The following DCC variants were observed in gnomAD, a reference collection of about 807,000 sequenced individuals.
DCC encodes DCC netrin 1 receptor.
DCC carries 58 observed loss-of-function variants against 172.5 expected under a neutral mutation model. That is an observed-to-expected ratio of 0.34 (90% CI 0.27 to 0.42). The LOEUF (loss-of-function observed/expected upper bound fraction) is 0.42, where lower values mean the gene tolerates loss of function less well. DCC is among the 10% of genes least tolerant of loss of function. DCC has a pLI of 1.00. For synonymous variants in DCC, 709 were observed against 644.5 expected (o/e 1.10, Z -1.52); for missense variants, 1,740 against 1,791.0 (o/e 0.97, Z 0.51).
At position 53,027,099 on chromosome 18, in the gene DCC, T is replaced by C. The variant is rs2041965049; in HGVS notation, c.986-36206T>C. 3.3e-5 allele frequency among the ~76,000 whole-genome samples: 5 copies of C among 152,172 alleles called. No individual in the cohort carries two copies. The South Asian group carries it at 1.0e-3, about 32-fold the overall frequency. On this transcript the variant is annotated intron_variant, in intron 5 of 28. Coordinates refer to ENST00000442544, the MANE Select transcript of DCC (RefSeq NM_005215.4). ...TCTTAAGCTGACAGAGTGCTGTATTTCTTTCTCATGTCTCTTATTCCTCAC... is the reference window on the plus strand; with the variant it reads ...TCTTAAGCTGACAGAGTGCTGTATTCCTTTCTCATGTCTCTTATTCCTCAC...
At chr18:53,215,647 C>A in intron 12 of DCC, 50 bp downstream of exon 12, 1 of 1,444,298 alleles carries the variant, frequency 6.9e-7, no homozygotes, top group Non-Finnish European at 9.8e-7. Flanking sequence ...GATTACCTAT[C>A]ATGTATAACC....
intron 1 of DCC, among the ~76,000 whole-genome samples, chr18:52,693,929 A>T (rs1180965146): frequency 1.3e-5 from 2 of 152,192 alleles, no homozygotes; most frequent in Non-Finnish European, 2.9e-5. Context: ...TCTTATAGAT[A>T]TATTCCAAAT....
At chr18:52,779,516 G>A (rs796708582) in intron 2 of DCC, among the ~76,000 whole-genome samples, 11 of 152,182 alleles carry the variant, frequency 7.2e-5, no homozygotes, top group African/African-American at 2.4e-4. Flanking sequence ...GTATTCCATG[G>A]TATATATGTG....
intron 1 of DCC, among the ~76,000 whole-genome samples, chr18:52,706,202 G>T (rs2036208801): frequency 6.6e-6 from 1 of 151,864 alleles, no homozygotes. Context: ...TTAAAAAAAA[G>T]AACTCATTGA....
At chr18:53,261,457 G>T (rs1346791564) in intron 12 of DCC, among the ~76,000 whole-genome samples, 1 of 152,074 alleles carries the variant, frequency 6.6e-6, no homozygotes, top group Admixed American at 6.6e-5. Flanking sequence ...TAAGGAGCTG[G>T]GTCATACTTA....
chr18:53,049,848 G>A (rs919714969), intron 5 of DCC, among the ~76,000 whole-genome samples: 1 of 152,162 alleles, frequency 6.6e-6, no homozygotes. Flanking sequence ...ATGAAAGGGA[G>A]TTAATTAAAA....
chr18:52,832,573 A>G (rs554314463), intron 2 of DCC, among the ~76,000 whole-genome samples: 3 of 152,268 alleles, frequency 2.0e-5, no homozygotes, highest in Admixed American at 6.5e-5. Flanking sequence ...ATAGCTTAAC[A>G]CAATTTCTTT....
intron 15 of DCC, among the ~76,000 whole-genome samples, chr18:53,376,416 A>G (rs1384839040): frequency 6.6e-6 from 1 of 152,158 alleles, no homozygotes; most frequent in East Asian, 1.9e-4. Context: ...AAAAATAAAC[A>G]AACAAAAAGC....
chr18:52,666,369 A>G (rs1476530015), intron 1 of DCC, among the ~76,000 whole-genome samples: 2 of 152,216 alleles, frequency 1.3e-5, no homozygotes, highest in African/African-American at 2.4e-5. Context: ...TGTGAATATA[A>G]AACCTACTAT....
At chr18:53,206,339 G>A (rs181035330) in intron 10 of DCC, among the ~76,000 whole-genome samples, 661 of 46,600 alleles carry the variant, frequency 0.014, 9 homozygotes, top group Middle Eastern at 0.022. Flanking sequence ...ACACATATAT[G>A]TATATATGTA....
intron 23 of DCC, 79 bp from the exon 24 acceptor site, chr18:53,459,153 A>G: frequency 8.5e-7 from 1 of 1,173,774 alleles, no homozygotes; most frequent in Non-Finnish European, 1.3e-6. Flanking sequence ...TCCTGCTTCT[A>G]ACTTGAATTG....
chr18:53,533,833 C>G lies in DCC; in HGVS notation c.*3180C>G, dbSNP rs536310251. On this transcript the variant is annotated 3_prime_UTR_variant, in exon 29 of 29. Coordinates refer to ENST00000442544, the MANE Select transcript of DCC (RefSeq NM_005215.4). ...ATTAAGGATTCCTGTTGAGTATATTCTTAGTTTCCTCAAAATAGGGATTAT... is the reference window on the plus strand; with the variant it reads ...ATTAAGGATTCCTGTTGAGTATATTGTTAGTTTCCTCAAAATAGGGATTAT... 1 of 152,284 alleles carries G rather than the reference C, an allele frequency of 6.6e-6. No homozygotes were observed. The highest frequency in any genetic ancestry group is 2.1e-4 in the South Asian group (1 of 4,820). 9.4% of individuals were successfully genotyped at this position (152,284 alleles called of 1,614,324 possible). A position where few individuals can be genotyped will look rare whatever the true frequency, so the allele number is the denominator to read the frequency against.
At chr18:53,448,061 T>TTTTTG (rs1568138048) in intron 22 of DCC, among the ~76,000 whole-genome samples, 185 of 149,834 alleles carry the variant, frequency 1.2e-3, no homozygotes, top group African/African-American at 4.5e-3. Context: ...TTTTTTTTTT[T>TTTTTG]TTTTTTTTTA....
intron 7 of DCC, among the ~76,000 whole-genome samples, chr18:53,149,886 G>T (rs1026360794): frequency 3.3e-5 from 5 of 152,112 alleles, no homozygotes; most frequent in Non-Finnish European, 5.9e-5. Context: ...ACTCTTTGCT[G>T]TATGATTCTG....
At chr18:53,260,107 A>T (rs565956563) in intron 12 of DCC, among the ~76,000 whole-genome samples, 1 of 151,614 alleles carries the variant, frequency 6.6e-6, no homozygotes, top group African/African-American at 2.4e-5. Flanking sequence ...CATTTGTCTA[A>T]TTTTTTTTCA....
intron 7 of DCC, among the ~76,000 whole-genome samples, chr18:53,124,776 G>C (rs1356107089): frequency 1.3e-5 from 2 of 152,020 alleles, no homozygotes; most frequent in African/African-American, 4.8e-5. Flanking sequence ...GACCAGCCTG[G>C]TCAACATAGT....
intron 1 of DCC, among the ~76,000 whole-genome samples, chr18:52,708,816 A>C (rs2036251596): frequency 1.3e-5 from 2 of 152,206 alleles, no homozygotes; most frequent in South Asian, 4.1e-4. Context: ...TACCAAACCT[A>C]CAACATAGTT....
intron 7 of DCC, among the ~76,000 whole-genome samples, chr18:53,119,100 A>G (rs2043446840): frequency 6.6e-6 from 1 of 151,742 alleles, no homozygotes; most frequent in Non-Finnish European, 1.5e-5. Flanking sequence ...ACTGTGGTAC[A>G]TTTATGCTGT....
chr18:53,495,441 T>C (rs1599217047), intron 26 of DCC, among the ~76,000 whole-genome samples: 1 of 151,966 alleles, frequency 6.6e-6, no homozygotes, highest in Non-Finnish European at 1.5e-5. Flanking sequence ...TGTTGAATAT[T>C]GGCCCCCACT....
Sources: allele counts gnomAD v4.1 joint callset (sites outside exome capture counted in the v4.1 genomes callset), GRCh38; gene constraint gnomAD v4.1.1; transcripts MANE v1.5; gene names NCBI Gene and HGNC (gene_info 2026-07-23, HGNC 2026-07-21).